NBPF3: variants seen among roughly 807,000 people sequenced by gnomAD.
The protein encoded by NBPF3 is NBPF family member NBPF3.
Under a neutral mutation model 78.1 loss-of-function variants are expected in NBPF3, and 57 were observed. The observed-to-expected ratio is 0.73, with a 90% confidence interval of 0.59 to 0.91. NBPF3 has a LOEUF of 0.91. Among genes scored for constraint, NBPF3 ranks in the 40% least tolerant of loss-of-function variants. The probability of loss-of-function intolerance (pLI) is 0.00; values close to 1 mark genes in which losing one functional copy is unlikely to be tolerated. For synonymous variants in NBPF3, 182 were observed against 271.7 expected, an observed-to-expected ratio of 0.67 and a Z score of 3.25; for missense variants, 510 against 715.3, an observed-to-expected ratio of 0.71 and a Z score of 3.27.
intron 8 of NBPF3, among the ~76,000 whole-genome samples, chr1:21,475,931 A>G (rs954074711): frequency 5.9e-4 from 47 of 80,066 alleles, no homozygotes; most frequent in Non-Finnish European, 1.4e-3. Context: ...GTCTCTCAGG[A>G]CTTGCTTTAT....
At chr1:21,472,148 T>G (rs1343403656) in intron 5 of NBPF3, among the ~76,000 whole-genome samples, 4 of 152,226 alleles carry the variant, frequency 2.6e-5, no homozygotes, top group Non-Finnish European at 5.9e-5. Context: ...GGCAATGTTC[T>G]TAGTAACTGT....
At chr1:21,466,604 G>A (rs1263352502) in intron 2 of NBPF3, among the ~76,000 whole-genome samples, 1 of 152,266 alleles carries the variant, frequency 6.6e-6, no homozygotes, top group African/African-American at 2.4e-5. Context: ...TACTGTTAAA[G>A]CAAGGTTGCA....
intron 12 of NBPF3, 128 bp from the exon 13 acceptor site, chr1:21,481,469 G>A (rs1276922619): frequency 1.7e-6 from 2 of 1,190,216 alleles, no homozygotes; most frequent in African/African-American, 3.1e-5. Flanking sequence ...GCAATAATTT[G>A]TTACCTCATT....
chr1:21,440,611 G>A (rs2147881577), intron 1 of NBPF3, among the ~76,000 whole-genome samples: 1 of 152,314 alleles, frequency 6.6e-6, no homozygotes, highest in South Asian at 2.1e-4. Context: ...AGGGGGTGGA[G>A]GGACGGAGCA....
At position 21,476,222 on chromosome 1, in the gene NBPF3, A is replaced by C. The variant is rs186039738; in HGVS notation, c.992+1271A>C. On this transcript the variant is annotated intron_variant, in intron 8 of 14. Coordinates refer to ENST00000318249, the MANE Select transcript of NBPF3 (RefSeq NM_032264.6). The surrounding 1 kb of genome is among the most constrained non-coding windows in gnomAD (Gnocchi z 4.1). ...GCACACTGATGGGTCTTGACTCCTT[A>C]TCCAATTTGCCAGTCTGTGTCTTTT... 4.7e-4 allele frequency among the ~76,000 whole-genome samples: 71 copies of C among 152,152 alleles called. No homozygotes were observed. Among genetic ancestry groups the C allele is most frequent in the African/African-American group, 1.5e-3 (64 of 41,502 alleles).
intron 9 of NBPF3, among the ~76,000 whole-genome samples, chr1:21,479,085 G>A (rs1643037539): frequency 6.6e-6 from 1 of 152,238 alleles, no homozygotes; most frequent in Non-Finnish European, 1.5e-5. Flanking sequence ...GAAAAACATT[G>A]CTCATTTGTG....
intron 3 of NBPF3, among the ~76,000 whole-genome samples, chr1:21,470,131 G>A (rs989501612): frequency 1.3e-5 from 2 of 152,178 alleles, no homozygotes; most frequent in African/African-American, 4.8e-5. Flanking sequence ...TTATGCTTCA[G>A]ATGTGATTCT....
chr1:21,448,322 TTTA>T (rs1183066970), intron 2 of NBPF3, among the ~76,000 whole-genome samples: 2 of 151,692 alleles, frequency 1.3e-5, no homozygotes, highest in Non-Finnish European at 2.9e-5. Flanking sequence ...CATACCTGGA[TTTA>T]TTATTATTTT....
intron 2 of NBPF3, among the ~76,000 whole-genome samples, chr1:21,446,848 C>T (rs1007955977): frequency 1.3e-5 from 2 of 152,002 alleles, no homozygotes; most frequent in Non-Finnish European, 2.9e-5. Flanking sequence ...CAAGTTCTGC[C>T]CACCCAGATG....
chr1:21,469,155 C>G, intron 3 of NBPF3, among the ~76,000 whole-genome samples: 1 of 152,176 alleles, frequency 6.6e-6, no homozygotes, highest in East Asian at 1.9e-4. Flanking sequence ...AGGCACAGAA[C>G]GACCTGTTTT....
At chr1:21,479,749 C>G (rs1384489783) in intron 10 of NBPF3, among the ~76,000 whole-genome samples, 1 of 151,720 alleles carries the variant, frequency 6.6e-6, no homozygotes, top group African/African-American at 2.4e-5. Flanking sequence ...TGTTCTTTGA[C>G]TCTCTCATCA....
At position 21,440,644 on chromosome 1, in the gene NBPF3, T is replaced by C. The variant is rs983425225; in HGVS notation, c.-140+296T>C. 8.5e-5 allele frequency among the ~76,000 whole-genome samples: 13 copies of C among 152,266 alleles called. No individual in the cohort carries two copies. In the South Asian group the frequency reaches 1.7e-3, roughly 19 times the overall value. ...GCAGCTTCGGGGGCACGTCCTCCTA[T>C]ATCCTGTAGAGGACACTGACTCCGC... On this transcript the variant is annotated intron_variant, in intron 1 of 14. Transcript: ENST00000318249.
At chr1:21,472,452 G>A (rs1302590432) in intron 5 of NBPF3, among the ~76,000 whole-genome samples, 1 of 152,158 alleles carries the variant, frequency 6.6e-6, no homozygotes, top group Admixed American at 6.5e-5. Context: ...GAGGACTGTA[G>A]GGCAAGTTTG....
intron 2 of NBPF3, chr1:21,451,979 C>T (rs1262469640): frequency 4.0e-5 from 11 of 277,012 alleles, no homozygotes; most frequent in Middle Eastern, 1.7e-3. Flanking sequence ...AGAGATGGGT[C>T]GTTTATTTCT....
At chr1:21,448,565 T>G (rs1295143069) in intron 2 of NBPF3, among the ~76,000 whole-genome samples, 1 of 152,184 alleles carries the variant, frequency 6.6e-6, no homozygotes, top group Admixed American at 6.5e-5. Flanking sequence ...AAGTTGATAG[T>G]GCCAGACGTC....
At chr1:21,482,300 T>G (rs1277625175) in intron 13 of NBPF3, among the ~76,000 whole-genome samples, 184 bp from the exon 14 acceptor site, 4 of 121,334 alleles carry the variant, frequency 3.3e-5, no homozygotes, top group South Asian at 6.1e-4. Flanking sequence ...ACCCTTAGTT[T>G]CTGGGACAAA....
chr1:21,475,912 T>G (rs1378390068), intron 8 of NBPF3, among the ~76,000 whole-genome samples: 1 of 131,048 alleles, frequency 7.6e-6, no homozygotes, highest in Non-Finnish European at 1.7e-5. Context: ...AGTCTAAGTC[T>G]CTTTTTAGGT....
chr1:21,457,489 C>T (rs1467530754), intron 2 of NBPF3, among the ~76,000 whole-genome samples: 1 of 151,736 alleles, frequency 6.6e-6, no homozygotes. Context: ...TGAATAGATA[C>T]TTCAGTAAAG....
At chr1:21,451,787 T>C in intron 2 of NBPF3, 1 of 267,974 alleles carries the variant, frequency 3.7e-6, no homozygotes, top group Non-Finnish European at 6.5e-6. Flanking sequence ...ATAAGGATGG[T>C]CAAATAAAAT....
Sources: allele counts gnomAD v4.1 joint callset (sites outside exome capture counted in the v4.1 genomes callset), GRCh38; gene constraint gnomAD v4.1.1; non-coding constraint Gnocchi (gnomAD v3.1); transcripts MANE v1.5; gene names NCBI Gene and HGNC (gene_info 2026-07-23, HGNC 2026-07-21).